Variants in OR9Q1 observed in about 807,000 individuals in gnomAD.
The protein encoded by OR9Q1 is olfactory receptor family 9 subfamily Q member 1.
For synonymous variants in OR9Q1, 153 were observed against 148.6 expected, an observed-to-expected ratio of 1.03 and a Z score of -0.22; for missense variants, 374 against 378.8, an observed-to-expected ratio of 0.99 and a Z score of 0.11.
intron 2 of OR9Q1, among the ~76,000 whole-genome samples, chr11:58,163,434 T>C (rs1200093283): frequency 3.3e-5 from 5 of 152,230 alleles, no homozygotes; most frequent in Non-Finnish European, 7.3e-5. Flanking sequence ...CCTCCTGACC[T>C]TGCTCTCTTC....
chr11:58,174,101 C>T (rs190438622), intron 2 of OR9Q1, among the ~76,000 whole-genome samples: 2 of 152,262 alleles, frequency 1.3e-5, no homozygotes, highest in African/African-American at 4.8e-5. Flanking sequence ...CTTCACTCCT[C>T]TCCAACTGTG....
chr11:58,059,184 A>G (rs916781647), intron 2 of OR9Q1, among the ~76,000 whole-genome samples: 2 of 152,224 alleles, frequency 1.3e-5, no homozygotes, highest in African/African-American at 4.8e-5. Context: ...AGCGGACTAA[A>G]GAATGCCAAC....
intron 2 of OR9Q1, among the ~76,000 whole-genome samples, chr11:58,070,927 C>T (rs1344585771): frequency 6.6e-6 from 1 of 152,230 alleles, no homozygotes; most frequent in African/African-American, 2.4e-5. Context: ...CTGCTACCCA[C>T]AGATGTCCCT....
intron 2 of OR9Q1, among the ~76,000 whole-genome samples, chr11:58,105,142 T>C (rs963828671): frequency 6.6e-6 from 1 of 152,160 alleles, no homozygotes. Flanking sequence ...TCCACTTTTA[T>C]TATAAATTCT....
At chr11:58,084,920 C>A (rs1423181661) in intron 2 of OR9Q1, among the ~76,000 whole-genome samples, 3 of 151,744 alleles carry the variant, frequency 2.0e-5, no homozygotes, top group Non-Finnish European at 4.4e-5. Context: ...CTATTTAACA[C>A]AGCACTGGAA....
At chr11:58,142,163 T>C (rs944173473) in intron 2 of OR9Q1, among the ~76,000 whole-genome samples, 6 of 152,168 alleles carry the variant, frequency 3.9e-5, no homozygotes, top group African/African-American at 1.2e-4. Context: ...TAATTCCTCA[T>C]ACTCTGCAGC....
rs1854658950 is a variant in OR9Q1, at chr11:58,180,867, A to G, written c.*490A>G. 1 of 167,504 alleles carries G rather than the reference A, an allele frequency of 6.0e-6. No homozygotes were observed. Among genetic ancestry groups the G allele is most frequent in the African/African-American group, 2.4e-5 (1 of 41,432 alleles). The allele number at this position is 167,504 out of a possible 1,614,324, so 10.4% of individuals were successfully genotyped here. A position where few individuals can be genotyped will look rare whatever the true frequency, so the allele number is the denominator to read the frequency against. ...TCATCAAACCACCTTTTTTTGATTC[A>G]TTTCAAGGTGAGTTCCGGACATCAG... On this transcript the variant is annotated 3_prime_UTR_variant, in exon 3 of 3. Transcript: ENST00000335397.
At chr11:58,039,448 G>T (rs545534601) in intron 1 of OR9Q1, among the ~76,000 whole-genome samples, 2 of 152,222 alleles carry the variant, frequency 1.3e-5, no homozygotes, top group Non-Finnish European at 2.9e-5. Flanking sequence ...GCCTTGATAC[G>T]TTGAGATATT....
chr11:58,173,639 C>T (rs1375617434), intron 2 of OR9Q1, among the ~76,000 whole-genome samples: 3 of 151,900 alleles, frequency 2.0e-5, no homozygotes, highest in East Asian at 1.9e-4. Flanking sequence ...TCTTCCTGGC[C>T]CCCTGAACCC....
chr11:58,102,288 A>G (rs1853792031), intron 2 of OR9Q1, among the ~76,000 whole-genome samples: 1 of 151,232 alleles, frequency 6.6e-6, no homozygotes, highest in African/African-American at 2.4e-5. Context: ...TTTTCCTCTC[A>G]TTATTTATCT....
intron 2 of OR9Q1, among the ~76,000 whole-genome samples, chr11:58,129,341 A>G (rs1233477197): frequency 6.6e-6 from 1 of 151,902 alleles, no homozygotes; most frequent in African/African-American, 2.4e-5. Context: ...ATAGCCCCCT[A>G]AATGTCTTCC....
intron 2 of OR9Q1, among the ~76,000 whole-genome samples, chr11:58,080,070 G>A (rs1853574456): frequency 6.6e-6 from 1 of 152,098 alleles, no homozygotes; most frequent in East Asian, 1.9e-4. Flanking sequence ...GTGCAGGCTT[G>A]TTACATGGGT....
intron 2 of OR9Q1, among the ~76,000 whole-genome samples, chr11:58,096,024 TTG>T (rs1212798148): frequency 6.6e-6 from 1 of 152,140 alleles, no homozygotes; most frequent in African/African-American, 2.4e-5. Context: ...AAATGTTACA[TTG>T]ACTGGAATGC....
chr11:58,095,309 G>C (rs1853719723), intron 2 of OR9Q1, among the ~76,000 whole-genome samples: 1 of 152,230 alleles, frequency 6.6e-6, no homozygotes, highest in Admixed American at 6.5e-5. Context: ...GTGGCTGCTA[G>C]GAGCAGCAGC....
At chr11:58,056,513 T>C (rs1428464120) in intron 2 of OR9Q1, among the ~76,000 whole-genome samples, 1 of 152,226 alleles carries the variant, frequency 6.6e-6, no homozygotes, top group Non-Finnish European at 1.5e-5. Flanking sequence ...AGTAATACTT[T>C]ATGATATATG....
chr11:58,079,273 C>A (rs540546872), intron 2 of OR9Q1, among the ~76,000 whole-genome samples: 53 of 151,298 alleles, frequency 3.5e-4, no homozygotes, highest in African/African-American at 1.2e-3. Flanking sequence ...TTGCTGGTGT[C>A]ATTTCTCTCA....
At chr11:58,041,849 G>A (rs1853166790) in intron 1 of OR9Q1, among the ~76,000 whole-genome samples, 1 of 152,104 alleles carries the variant, frequency 6.6e-6, no homozygotes, top group Non-Finnish European at 1.5e-5. Context: ...TCGGATTCAG[G>A]GCCAAAGACA....
At chr11:58,133,226 TTTG>T (rs1304107192) in intron 2 of OR9Q1, among the ~76,000 whole-genome samples, 1 of 152,150 alleles carries the variant, frequency 6.6e-6, no homozygotes, top group Non-Finnish European at 1.5e-5. Flanking sequence ...TTTGTTTCTT[TTTG>T]TTTTGTTTTG....
intron 2 of OR9Q1, among the ~76,000 whole-genome samples, chr11:58,059,264 A>G (rs749277646): frequency 9.2e-5 from 14 of 152,298 alleles, no homozygotes; most frequent in African/African-American, 3.4e-4. Context: ...CTCTCTATAC[A>G]TTGTATAATT....
Sources: gnomAD v4.1 joint callset for allele counts (sites outside exome capture counted in the v4.1 genomes callset) on GRCh38, gnomAD v4.1.1 for gene constraint, MANE v1.5 for transcripts, NCBI Gene and HGNC (gene_info 2026-07-23, HGNC 2026-07-21) for gene names.